The following THAP9 variants were observed in gnomAD, a reference collection of about 807,000 sequenced individuals.
THAP9 encodes the protein THAP domain containing 9.
Under a neutral mutation model 35.7 loss-of-function variants are expected in THAP9, and 20 were observed. The ratio of observed to expected loss-of-function variants is 0.56; its 90% CI spans 0.39 to 0.81. The LOEUF (loss-of-function observed/expected upper bound fraction) is 0.81. THAP9 is among the 40% of genes least tolerant of loss of function. The probability of loss-of-function intolerance (pLI) is 0.00; values close to 1 mark genes in which losing one functional copy is unlikely to be tolerated. For synonymous variants in THAP9, 335 were observed against 373.7 expected (o/e 0.90, Z 1.19); for missense variants, 870 against 1,047.4 (o/e 0.83, Z 2.34).
intron 1 of THAP9, 48 bp downstream of exon 1, chr4:82,900,930 G>T (rs753970272): frequency 1.9e-6 from 3 of 1,604,358 alleles, no homozygotes; most frequent in Non-Finnish European, 2.6e-6. Context: ...TGCGGGGCCC[G>T]GCGGGCCGTG....
At chr4:82,901,442 A>G (rs1720365533) in intron 1 of THAP9, among the ~76,000 whole-genome samples, 1 of 152,206 alleles carries the variant, frequency 6.6e-6, no homozygotes, top group African/African-American at 2.4e-5. Flanking sequence ...TAGGTCATTC[A>G]GTATTCAGGG....
chr4:82,918,277 G>A lies in THAP9; in HGVS notation c.2065G>A (p.Glu689Lys), dbSNP rs201951793. The A allele has an allele frequency of 6.2e-6, 10 of 1,614,126 alleles. No homozygotes were observed. Among genetic ancestry groups the A allele is most frequent in the South Asian group, 3.3e-5 (3 of 91,082 alleles). The change falls in exon 5 of 5, where the codon GAA becomes AAA. Residue 689 changes from glutamate (E) to lysine (K), a missense_variant. Around this residue, in one of 3 missense-constraint regions of THAP9, gnomAD observed 414 missense variants for 500.8 expected, o/e 0.83. Coordinates refer to ENST00000302236, the MANE Select transcript of THAP9 (RefSeq NM_024672.6). The stretch of plus-strand genomic sequence containing the variant: ...CAGCGTTACAAAGACTGTCTTTCAC[G>A]AAGAGGGTATTTGTCAAGACTGGTC... ...GVSVTKTVFH[E>K]EGICQDWSHC... is the part of the protein sequence containing the mutation.
intron 2 of THAP9, among the ~76,000 whole-genome samples, chr4:82,905,279 C>T (rs576829804): frequency 6.6e-6 from 1 of 152,018 alleles, no homozygotes; most frequent in South Asian, 2.1e-4. Flanking sequence ...TTTTTGGTTC[C>T]TCCTAATAAT....
intron 1 of THAP9, chr4:82,903,595 AG>A (rs1207717751): frequency 2.0e-5 from 3 of 152,570 alleles, no homozygotes; most frequent in Non-Finnish European, 4.4e-5. Context: ...AATCAAGGCT[AG>A]GAAAAAGTAG....
At chr4:82,904,954 C>A in intron 2 of THAP9, 23 bp downstream of exon 2, 3 of 1,602,526 alleles carry the variant, frequency 1.9e-6, no homozygotes, top group South Asian at 1.1e-5. Context: ...AGGTGTAAGT[C>A]AACAAAATGA....
chr4:82,905,875 G>A (rs1270339707), intron 2 of THAP9: 3 of 456,050 alleles, frequency 6.6e-6, no homozygotes, highest in Admixed American at 4.7e-5. Context: ...GGACACAAGG[G>A]ATTGTAGAGC....
chr4:82,914,598 A>G (rs1278190929), intron 4 of THAP9, among the ~76,000 whole-genome samples: 1 of 152,050 alleles, frequency 6.6e-6, no homozygotes, highest in African/African-American at 2.4e-5. Flanking sequence ...TTTTTTTCAT[A>G]TGCTTGTTGG....
chr4:82,915,062 A>G (rs1008012104), intron 4 of THAP9, among the ~76,000 whole-genome samples: 3 of 152,114 alleles, frequency 2.0e-5, no homozygotes, highest in Non-Finnish European at 2.9e-5. Flanking sequence ...TTGAATAGGG[A>G]GTCTTCCCTT....
At chr4:82,912,623 G>C (rs13119020) in intron 4 of THAP9, among the ~76,000 whole-genome samples, 1 of 152,064 alleles carries the variant, frequency 6.6e-6, no homozygotes, top group Non-Finnish European at 1.5e-5. Flanking sequence ...ATTGTAAATT[G>C]TGTAAATATG....
At chr4:82,904,952 G>A (rs777153029) in intron 2 of THAP9, 21 bp downstream of exon 2, 1 of 1,604,716 alleles carries the variant, frequency 6.2e-7, no homozygotes, top group Non-Finnish European at 8.5e-7. Flanking sequence ...GTAGGTGTAA[G>A]TCAACAAAAT....
intron 1 of THAP9, among the ~76,000 whole-genome samples, chr4:82,901,734 T>A (rs1352021166): frequency 1.3e-5 from 2 of 152,140 alleles, no homozygotes; most frequent in East Asian, 3.8e-4. Context: ...TTGTTTTCTA[T>A]TTTTTAAATA....
In THAP9 at chr4:82,918,941, T is replaced by G. The variant is rs1721146569; in HGVS notation, c.*17T>G. The G allele has an allele frequency of 6.7e-7, 1 of 1,503,696 alleles. No homozygotes were observed. Among genetic ancestry groups the G allele is most frequent in the East Asian group, 2.3e-5 (1 of 43,974 alleles). 93.1% of individuals were successfully genotyped at this position (1,503,696 alleles called of 1,614,324 possible). Reference sequence around the variant, plus strand: ...TTCAAATGAGAGACCTAAAATATATTAACATTTTAATTAAGAATACTTGAT... The same window carrying G: ...TTCAAATGAGAGACCTAAAATATATGAACATTTTAATTAAGAATACTTGAT... On this transcript the variant is annotated 3_prime_UTR_variant, in exon 5 of 5. Coordinates refer to ENST00000302236, the MANE Select transcript of THAP9 (RefSeq NM_024672.6).
rs148766490 is a variant in THAP9 at position 82,918,158 on chromosome 4, A to G, written c.1946A>G (p.Asp649Gly). The G allele has an allele frequency of 5.6e-6, 9 of 1,614,076 alleles. No homozygotes were observed. Among genetic ancestry groups the G allele is most frequent in the African/African-American group, 5.3e-5 (4 of 74,942 alleles). The change falls in exon 5 of 5, where the codon GAT becomes GGT. Residue 649 changes from aspartate (D) to glycine (G), a missense_variant. Transcript: ENST00000302236. ...TTGGAGACCAGATACAAATTTCAAG[A>G]TGAAGTTTTTCTAAGCAAAGTAAGC... ...YNLETRYKFQDEVFLSKVSIF... is the reference protein window; with the variant it reads ...YNLETRYKFQGEVFLSKVSIF...
chr4:82,916,760 A>C (rs1721044725), intron 4 of THAP9, among the ~76,000 whole-genome samples, 184 bp from the exon 5 acceptor site: 1 of 152,220 alleles, frequency 6.6e-6, no homozygotes, highest in East Asian at 1.9e-4. Context: ...TGTGTTTCTA[A>C]GTTTATCTTA....
chr4:82,911,450 C>T (rs1270256020), intron 4 of THAP9, among the ~76,000 whole-genome samples: 1 of 152,016 alleles, frequency 6.6e-6, no homozygotes, highest in Non-Finnish European at 1.5e-5. Flanking sequence ...AAAAATTAGC[C>T]GGGCATGGTG....
intron 4 of THAP9, among the ~76,000 whole-genome samples, chr4:82,915,291 T>G (rs1049141594): frequency 2.0e-5 from 3 of 152,178 alleles, no homozygotes; most frequent in Middle Eastern, 3.4e-3. Context: ...CAGTTTTGCC[T>G]CATCGCCCAG....
chr4:82,912,512 C>T (rs2126015165), intron 4 of THAP9, among the ~76,000 whole-genome samples: 1 of 152,288 alleles, frequency 6.6e-6, no homozygotes, highest in South Asian at 2.1e-4. Flanking sequence ...CATTCCATAA[C>T]TAAGTTATTG....
At position 82,918,526 on chromosome 4, in the gene THAP9, A is replaced by G; in HGVS notation, c.2314A>G (p.Ile772Val). Residue 772 changes from isoleucine (I) to valine (V), a missense_variant, in exon 5 of 5, where the codon ATA becomes GTA. Ile to Val is a conservative substitution (Grantham distance 29). Around this residue, in one of 3 missense-constraint regions of THAP9, gnomAD observed 414 missense variants for 500.8 expected, o/e 0.83. Coordinates refer to ENST00000302236, the MANE Select transcript of THAP9 (RefSeq NM_024672.6). ...TCCTTCAGAAAGTCTGTGTCGGGTC[A>G]TAAATATTTGTGAGCGAGTTGTAAG... is the stretch of plus-strand genomic sequence containing the variant. ...HFPSESLCRV[I>V]NICERVVRTH... 1.2e-6 allele frequency: 2 copies of G among 1,614,200 alleles called. No homozygotes were observed. Among genetic ancestry groups the G allele is most frequent in the Non-Finnish European group, 1.7e-6 (2 of 1,180,004 alleles).
intron 4 of THAP9, among the ~76,000 whole-genome samples, chr4:82,911,862 A>G (rs377338258): frequency 1.3e-5 from 2 of 152,262 alleles, no homozygotes; most frequent in African/African-American, 4.8e-5. Flanking sequence ...ATGCAGTACC[A>G]GATTTGTGGT....
Sources: allele counts gnomAD v4.1 joint callset (sites outside exome capture counted in the v4.1 genomes callset), GRCh38; gene constraint gnomAD v4.1.1; regional missense constraint gnomAD v4.1.1; transcripts MANE v1.5; gene names NCBI Gene and HGNC (gene_info 2026-07-23, HGNC 2026-07-21).